LVRN: variants seen among roughly 807,000 people sequenced by gnomAD.
LVRN encodes the protein laeverin.
LVRN carries 99 observed loss-of-function variants against 111.4 expected under a neutral mutation model. The ratio of observed to expected loss-of-function variants is 0.89; its 90% CI spans 0.76 to 1.05. The LOEUF (loss-of-function observed/expected upper bound fraction) is 1.05, where lower values mean the gene tolerates loss of function less well. Among genes scored for constraint, LVRN ranks in the 50% least tolerant of loss-of-function variants. The pLI, the probability that LVRN is intolerant of heterozygous loss-of-function variation, is 0.00. For synonymous variants in LVRN, 488 were observed against 449.5 expected (o/e 1.09, Z -1.08); for missense variants, 1,414 against 1,206.8 (o/e 1.17, Z -2.54).
chr5:116,018,738 T>C (rs1221197729), intron 18 of LVRN, among the ~76,000 whole-genome samples: 4 of 152,220 alleles, frequency 2.6e-5, no homozygotes, highest in African/African-American at 9.6e-5. Flanking sequence ...TGTTCAAATA[T>C]TTTAAATTTG....
intron 6 of LVRN, among the ~76,000 whole-genome samples, chr5:115,997,481 T>C (rs947470249): frequency 6.6e-6 from 1 of 152,018 alleles, no homozygotes; most frequent in South Asian, 2.1e-4. Flanking sequence ...CTGGGCAACA[T>C]AGTGAAATCT....
chr5:116,014,611 T>C, intron 16 of LVRN, 84 bp downstream of exon 16: 1 of 1,105,156 alleles, frequency 9.0e-7, no homozygotes, highest in African/African-American at 1.6e-5. Context: ...ACTGTGGGAA[T>C]GAGTGTTTTG....
intron 3 of LVRN, among the ~76,000 whole-genome samples, chr5:115,985,038 C>T (rs958567965): frequency 1.1e-4 from 17 of 152,226 alleles, no homozygotes; most frequent in African/African-American, 3.9e-4. Flanking sequence ...TTGATGTTTG[C>T]GTTTAGTATG....
At position 116,015,659 on chromosome 5, in the gene LVRN, T is replaced by A. The variant is rs1291577364; in HGVS notation, c.2650T>A (p.Phe884Ile). The A allele has an allele frequency of 1.9e-6, 3 of 1,613,032 alleles. No individual in the cohort carries two copies. The highest frequency in any genetic ancestry group is 2.5e-6 in the Non-Finnish European group (3 of 1,179,508). The change falls in exon 18 of 20, where the codon TTC becomes ATC. Residue 884 changes from phenylalanine (F) to isoleucine (I), a missense_variant. By Grantham distance (21) the Phe-to-Ile change is conservative. Coordinates refer to ENST00000357872, the MANE Select transcript of LVRN (RefSeq NM_173800.5). ...GGAGTATGCCATCAGCACATCTCCA[T>A]TCACTTCTAATGAAACAAATATAAT... ...YMEYAISTSP[F>I]TSNETNIIEV...
intron 6 of LVRN, among the ~76,000 whole-genome samples, chr5:115,997,686 T>A (rs922633018): frequency 2.0e-5 from 3 of 152,070 alleles, no homozygotes; most frequent in Non-Finnish European, 4.4e-5. Flanking sequence ...GAAATTTTAA[T>A]AGGCCTTCTC....
At position 115,963,240 on chromosome 5, in the gene LVRN, T is replaced by A; in HGVS notation, c.623T>A (p.Phe208Tyr). 6.2e-7 allele frequency: 1 copy of A among 1,612,834 alleles called. No individual in the cohort carries two copies. The highest frequency in any genetic ancestry group is 2.2e-5 in the East Asian group (1 of 44,854). Reference sequence around the variant, plus strand: ...AGCAGCTACGAGCTGCAGCTTAGCTTCTCGGGCCTGGTGAAGGAAGACCTC... The same window carrying A: ...AGCAGCTACGAGCTGCAGCTTAGCTACTCGGGCCTGGTGAAGGAAGACCTC... ...PGSSYELQLS[F>Y]SGLVKEDLRE... The change falls in exon 1 of 20, where the codon TTC (phenylalanine) becomes TAC (tyrosine). Residue 208 changes from phenylalanine (F) to tyrosine (Y), a missense_variant. By Grantham distance (22) the Phe-to-Tyr change is conservative. Coordinates refer to ENST00000357872, the MANE Select transcript of LVRN (RefSeq NM_173800.5).
chr5:115,983,566 C>G, intron 2 of LVRN, 137 bp downstream of exon 2: 1 of 976,722 alleles, frequency 1.0e-6, no homozygotes, highest in East Asian at 3.0e-5. Flanking sequence ...AGAGCAGTCA[C>G]CTGGGATATG....
At position 116,027,531 on chromosome 5, in the gene LVRN, G is replaced by A. The variant is rs915398195; in HGVS notation, c.*1413G>A. On this transcript the variant is annotated 3_prime_UTR_variant, in exon 20 of 20. Coordinates refer to ENST00000357872, the MANE Select transcript of LVRN (RefSeq NM_173800.5). The stretch of plus-strand genomic sequence containing the variant: ...ACAGGCTACTCAGACTTGGCCACAG[G>A]TCATAGGTCAGAGAATTTTTTCTTC... 2 of 152,192 alleles carry A rather than the reference G, an allele frequency of 1.3e-5. No homozygotes were observed. The highest frequency in any genetic ancestry group is 4.8e-5 in the African/African-American group (2 of 41,450). 9.4% of individuals were successfully genotyped at this position (152,192 alleles called of 1,614,324 possible).
intron 1 of LVRN, among the ~76,000 whole-genome samples, chr5:115,974,261 A>C (rs1277503302): frequency 6.6e-6 from 1 of 152,192 alleles, no homozygotes; most frequent in Non-Finnish European, 1.5e-5. Context: ...TAATTTATAC[A>C]TTACCAAGTT....
At chr5:115,988,994 A>C (rs1747927040) in intron 4 of LVRN, among the ~76,000 whole-genome samples, 1 of 152,004 alleles carries the variant, frequency 6.6e-6, no homozygotes, top group South Asian at 2.1e-4. Flanking sequence ...TAGTCACCTT[A>C]TCGTCCCCTA....
intron 16 of LVRN, among the ~76,000 whole-genome samples, chr5:116,014,815 A>C (rs1482595834): frequency 6.6e-6 from 1 of 152,112 alleles, no homozygotes; most frequent in Non-Finnish European, 1.5e-5. Flanking sequence ...TTTGAGTCTT[A>C]ATAGGTTGTT....
chr5:115,987,151 G>C (rs1747887813), intron 3 of LVRN, among the ~76,000 whole-genome samples: 1 of 152,018 alleles, frequency 6.6e-6, no homozygotes, highest in Non-Finnish European at 1.5e-5. Flanking sequence ...CAATAGTGTG[G>C]TCACACAAAA....
At chr5:115,993,445 G>A (rs553863237) in intron 5 of LVRN, among the ~76,000 whole-genome samples, 75 of 152,190 alleles carry the variant, frequency 4.9e-4, no homozygotes, top group African/African-American at 1.7e-3. Context: ...TGGGCCAAGT[G>A]GACAGTTTAA....
At chr5:115,982,213 C>T (rs547295770) in intron 1 of LVRN, among the ~76,000 whole-genome samples, 6 of 152,254 alleles carry the variant, frequency 3.9e-5, no homozygotes, top group South Asian at 2.1e-4. Context: ...GTTGTTTGCA[C>T]GTGCCAACCG....
intron 19 of LVRN, among the ~76,000 whole-genome samples, chr5:116,024,299 G>A (rs1265975988): frequency 6.6e-6 from 1 of 152,012 alleles, no homozygotes; most frequent in East Asian, 1.9e-4. Flanking sequence ...AACAAGAAGA[G>A]CCTTTGTAAA....
intron 4 of LVRN, among the ~76,000 whole-genome samples, chr5:115,990,452 G>A (rs1184113592): frequency 1.3e-5 from 2 of 152,236 alleles, no homozygotes; most frequent in East Asian, 3.9e-4. Flanking sequence ...TGTCAGAGTT[G>A]TTTAAATATT....
chr5:116,026,281 C>G lies in LVRN; in HGVS notation c.*163C>G. On this transcript the variant is annotated 3_prime_UTR_variant, in exon 20 of 20. Coordinates refer to ENST00000357872, the MANE Select transcript of LVRN (RefSeq NM_173800.5). ...TCTTCTCATATTGTCATGTTTGGCC[C>G]TGAGGGTGGGTGATTGCTGACAATT... The G allele has an allele frequency of 2.7e-6, 3 of 1,097,250 alleles. No individual in the cohort carries two copies. The highest frequency in any genetic ancestry group is 3.8e-6 in the Non-Finnish European group (3 of 782,870). 68.0% of individuals were successfully genotyped at this position (1,097,250 alleles called of 1,614,324 possible).
rs562195859 is a variant in LVRN at position 116,000,897 on chromosome 5, G to A, written c.1648-170G>A. Among the ~76,000 whole-genome samples the A allele has an allele frequency of 2.0e-5, 3 of 152,244 alleles. No individual in the cohort carries two copies. The East Asian group carries it at 5.8e-4, about 29-fold the overall frequency. ...ATATTTATTGAATTAATGAATTAAA[G>A]AACCATTCATATATAAACAGAGTTC... On this transcript the variant is annotated intron_variant, in intron 9 of 19. Coordinates refer to ENST00000357872, the MANE Select transcript of LVRN (RefSeq NM_173800.5).
At chr5:115,985,305 T>C (rs942989999) in intron 3 of LVRN, among the ~76,000 whole-genome samples, 3 of 152,120 alleles carry the variant, frequency 2.0e-5, no homozygotes, top group African/African-American at 7.2e-5. Context: ...GTTTGTTGGT[T>C]TGGAATGTTT....
Sources: gnomAD v4.1 joint callset for allele counts (sites outside exome capture counted in the v4.1 genomes callset) on GRCh38, gnomAD v4.1.1 for gene constraint, MANE v1.5 for transcripts, NCBI Gene and HGNC (gene_info 2026-07-23, HGNC 2026-07-21) for gene names.